Variants in ACYP2 observed in about 807,000 individuals in gnomAD.
ACYP2 encodes acylphosphatase 2, also known as acylphosphatase-2.
ACYP2 carries 12 observed loss-of-function variants against 11.2 expected under a neutral mutation model. The observed-to-expected ratio is 1.08, with a 90% CI of 0.69 to 1.74. ACYP2 has a LOEUF of 1.74. Among genes scored for constraint, ACYP2 ranks in the 40% most tolerant of loss-of-function variants. The pLI is 0.00. For missense variants in ACYP2, 134 were observed against 101.9 expected (o/e 1.31, Z -1.35); for synonymous variants, 43 against 32.2 (o/e 1.33, Z -1.13).
Position 54,277,063 on chromosome 2 carries a change from C to A in ACYP2, c.405-27625C>A, listed in dbSNP as rs376224548. 3.3e-5 allele frequency among the ~76,000 whole-genome samples: 5 copies of A among 152,172 alleles called. No homozygotes were observed. In the East Asian group the frequency reaches 9.6e-4, roughly 29 times the overall value. The stretch of plus-strand genomic sequence containing the variant: ...ACATTTAAATTGCTTGAAACACTTT[C>A]CTGTTACGTACAATGCTGTAATGAC... On this transcript the variant is annotated intron_variant, in intron 6 of 6. Transcript: ENST00000607452.
chr2:54,199,913 C>T (rs1684686969), intron 6 of ACYP2, among the ~76,000 whole-genome samples: 1 of 152,232 alleles, frequency 6.6e-6, no homozygotes, highest in South Asian at 2.1e-4. Context: ...TCTCTGCCCT[C>T]TCTGGACGAT....
rs553162583 is a variant in ACYP2, at chr2:54,058,236, AG to A, written c.277+879del. 4.0e-3 allele frequency among the ~76,000 whole-genome samples: 607 copies of A among 151,494 alleles called. 2 individuals are homozygous for A. The highest frequency in any genetic ancestry group is 7.4e-3 in the Admixed American group (112 of 15,200). On this transcript the variant is annotated intron_variant, in intron 4 of 6. Coordinates refer to ENST00000607452, the MANE Select transcript of ACYP2 (RefSeq NM_001320586.2). ...ATTCTCATTGGTTCTTTTTGGGGGCAGGGTTATCAGTTTGTTTTATCAAAGT... is the reference window on the plus strand; with the variant it reads ...ATTCTCATTGGTTCTTTTTGGGGGCAGGTTATCAGTTTGTTTTATCAAAGT...
At chr2:54,195,414 G>A (rs1316405317) in intron 6 of ACYP2, among the ~76,000 whole-genome samples, 5 of 152,166 alleles carry the variant, frequency 3.3e-5, no homozygotes, top group African/African-American at 1.2e-4. Flanking sequence ...TTAAGTAAGT[G>A]TCACTGGAAG....
intron 2 of ACYP2, among the ~76,000 whole-genome samples, chr2:54,017,504 C>G (rs1673763114): frequency 6.6e-6 from 1 of 152,126 alleles, no homozygotes; most frequent in African/African-American, 2.4e-5. Flanking sequence ...ATCTGCCCAC[C>G]TCAGCCTCCC....
At chr2:54,039,854 T>A (rs1010456135) in intron 2 of ACYP2, among the ~76,000 whole-genome samples, 6 of 151,106 alleles carry the variant, frequency 4.0e-5, no homozygotes, top group African/African-American at 1.5e-4. Context: ...TGTGTGTGTG[T>A]GTGTGTGTGT....
At chr2:54,236,706 A>G (rs890617357) in intron 6 of ACYP2, among the ~76,000 whole-genome samples, 3 of 152,200 alleles carry the variant, frequency 2.0e-5, no homozygotes, top group African/African-American at 7.2e-5. Context: ...CAAATACGTA[A>G]AAAGTATTGT....
chr2:53,983,685 C>G (rs1215600994), intron 2 of ACYP2, among the ~76,000 whole-genome samples: 1 of 152,054 alleles, frequency 6.6e-6, no homozygotes, highest in African/African-American at 2.4e-5. Flanking sequence ...TGGATTTTTT[C>G]CGAAAAGCTG....
intron 2 of ACYP2, among the ~76,000 whole-genome samples, chr2:54,021,859 A>G (rs1240470688): frequency 6.6e-6 from 1 of 152,196 alleles, no homozygotes; most frequent in Non-Finnish European, 1.5e-5. Flanking sequence ...TAGTTGAACC[A>G]TCTGGGCAAC....
At chr2:53,988,426 G>T (rs1320324898) in intron 2 of ACYP2, among the ~76,000 whole-genome samples, 1 of 151,878 alleles carries the variant, frequency 6.6e-6, no homozygotes, top group Non-Finnish European at 1.5e-5. Flanking sequence ...TTTTAGACAG[G>T]GTCTTGCTCT....
rs919696673 is a variant in ACYP2 at position 54,167,694 on chromosome 2, AT to A, written c.404+28952del. Among the ~76,000 whole-genome samples the A allele has an allele frequency of 4.6e-5, 7 of 152,168 alleles. No homozygotes were observed. In the South Asian group the frequency reaches 1.0e-3, roughly 22 times the overall value. On this transcript the variant is annotated intron_variant, in intron 6 of 6. Coordinates refer to ENST00000607452, the MANE Select transcript of ACYP2 (RefSeq NM_001320586.2). ...CATGGTTATGTAGGAAAGTGTCTTT[AT>A]TTTTTATAGCTGTATACTGAAGTAT...
chr2:54,189,588 GT>G (rs35795352), intron 6 of ACYP2, among the ~76,000 whole-genome samples: 64,024 of 151,548 alleles, frequency 0.42, 14,085 homozygotes, highest in East Asian at 0.72. Context: ...GTATATCTGT[GT>G]TTTTTTTCCA....
intron 6 of ACYP2, 109 bp from the exon 4 acceptor site, chr2:54,304,579 A>C (rs1161101977): frequency 3.0e-6 from 2 of 657,550 alleles, no homozygotes; most frequent in African/African-American, 3.6e-5. Flanking sequence ...ATATATGCAA[A>C]AATTACTTAG....
intron 6 of ACYP2, among the ~76,000 whole-genome samples, chr2:54,280,417 G>T (rs7605100): frequency 1.3e-4 from 20 of 152,194 alleles, no homozygotes; most frequent in African/African-American, 4.3e-4. Flanking sequence ...AAGCGGGGAG[G>T]TTCAGTAGTC....
chr2:54,080,980 AG>A (rs1468700552), intron 4 of ACYP2, among the ~76,000 whole-genome samples: 1 of 152,188 alleles, frequency 6.6e-6, no homozygotes, highest in Admixed American at 6.5e-5. Context: ...CATTTTGAAC[AG>A]ATTTGTCAAA....
chr2:54,138,803 A>C, intron 6 of ACYP2, 55 bp downstream of exon 3: 1 of 1,454,656 alleles, frequency 6.9e-7, no homozygotes, highest in Non-Finnish European at 9.5e-7. Context: ...GCTGTTTTTT[A>C]GTTTTTTAAG....
intron 4 of ACYP2, among the ~76,000 whole-genome samples, chr2:54,128,726 T>C (rs1209118202): frequency 6.6e-6 from 1 of 152,140 alleles, no homozygotes; most frequent in East Asian, 1.9e-4. Context: ...TCCCCCCTTT[T>C]TTAAAAAAAA....
chr2:54,043,873 G>A (rs188536601), intron 2 of ACYP2, among the ~76,000 whole-genome samples: 1 of 152,114 alleles, frequency 6.6e-6, no homozygotes, highest in Non-Finnish European at 1.5e-5. Flanking sequence ...GGCTAGCTGT[G>A]ATTCCTCCTC....
chr2:54,219,139 C>T (rs1432757495), intron 6 of ACYP2, among the ~76,000 whole-genome samples: 7 of 152,134 alleles, frequency 4.6e-5, no homozygotes, highest in African/African-American at 1.4e-4. Flanking sequence ...ATATGCACAG[C>T]TGGACAGTAA....
chr2:54,140,996 A>G (rs950305701), intron 6 of ACYP2, among the ~76,000 whole-genome samples: 4 of 151,964 alleles, frequency 2.6e-5, no homozygotes, highest in African/African-American at 9.7e-5. Context: ...TTTTTCTTTT[A>G]CCTGATTGGT....
Sources: allele counts gnomAD v4.1 joint callset (sites outside exome capture counted in the v4.1 genomes callset), GRCh38; gene constraint gnomAD v4.1.1; transcripts MANE v1.5; gene names NCBI Gene and HGNC (gene_info 2026-07-23, HGNC 2026-07-21).